The following USP35 variants were observed in gnomAD, a reference collection of about 807,000 sequenced individuals.
The protein encoded by USP35 is ubiquitin specific peptidase 35.
In USP35, 69 loss-of-function variants were observed where a neutral mutation model predicts 83.8. That is an observed-to-expected ratio of 0.82 (90% CI 0.68 to 1.01). The LOEUF is 1.01. USP35 is among the 50% of genes least tolerant of loss of function. The pLI is 0.00. For synonymous variants in USP35, 714 were observed against 589.5 expected (o/e 1.21, Z -3.06); for missense variants, 1,503 against 1,362.5 (o/e 1.10, Z -1.62).
the USP35 span, chr11:78,221,621 G>C: frequency 9.6e-7 from 1 of 1,038,590 alleles, no homozygotes; most frequent in Non-Finnish European, 1.5e-6. Context: ...GGGAACTGAG[G>C]GGTGGGTCCC....
intron 10 of USP35, among the ~76,000 whole-genome samples, chr11:78,213,410 A>T (rs1020592960): frequency 1.3e-5 from 2 of 152,140 alleles, no homozygotes; most frequent in African/African-American, 4.8e-5. Flanking sequence ...TCAGCTAGTC[A>T]GTCACACCCT....
In USP35 at chr11:78,196,398, C is replaced by T. The variant is rs1863145333; in HGVS notation, c.153C>T (p.Gly51=). The T allele has an allele frequency of 5.7e-6, 8 of 1,403,518 alleles. No homozygotes were observed. The highest frequency in any genetic ancestry group is 1.5e-5 in the African/African-American group (1 of 65,480). 86.9% of individuals were successfully genotyped at this position (1,403,518 alleles called of 1,614,324 possible). A position where few individuals can be genotyped will look rare whatever the true frequency, so the allele number is the denominator to read the frequency against. The change falls in exon 2 of 11, where the codon GGC becomes GGT. Residue 51 remains glycine, a synonymous_variant. Transcript: ENST00000529308. The surrounding 1 kb of genome is among the most constrained non-coding windows in gnomAD (Gnocchi z 4.8). ...CGCTGGGCGCGCGCCTCTACGTGGG[C>T]GGCGCGGAGGAGCTGCCGCGCCGCG... ...LLALGARLYV[G]GAEELPRRVG...
At chr11:78,190,674 G>T (rs2137019242) in intron 1 of USP35, among the ~76,000 whole-genome samples, 1 of 152,340 alleles carries the variant, frequency 6.6e-6, no homozygotes, top group Non-Finnish European at 1.5e-5. Context: ...ATAGCTAAGA[G>T]GGCCTTGGAG....
At chr11:78,211,974 G>C (rs543945836) in intron 10 of USP35, among the ~76,000 whole-genome samples, 2 of 152,086 alleles carry the variant, frequency 1.3e-5, no homozygotes, top group Admixed American at 6.6e-5. Flanking sequence ...GTTTGCTTTT[G>C]TTGCAATTGC....
At position 78,210,159 on chromosome 11, in the gene USP35, C is replaced by A; in HGVS notation, c.2304C>A (p.Phe768Leu). ...SRSVLDLVNY[F>L]LSPEKLTAEN... ...CCGTCCTGGACCTGGTTAACTACTT[C>A]CTGTCCCCCGAGAAGCTGACAGCAG... is the stretch of plus-strand genomic sequence containing the variant. Residue 768 changes from phenylalanine to leucine, a missense_variant, in exon 10 of 11, where the codon TTC becomes TTA. Phe to Leu is a conservative substitution (Grantham distance 22). Coordinates refer to ENST00000529308, the MANE Select transcript of USP35 (RefSeq NM_020798.4). 1 of 1,613,720 alleles carries A rather than the reference C, an allele frequency of 6.2e-7. No homozygotes were observed. Among genetic ancestry groups the A allele is most frequent in the African/African-American group, 1.3e-5 (1 of 75,046 alleles).
chr11:78,215,626 G>C (rs918131372), downstream of USP35: 1 of 152,270 alleles, frequency 6.6e-6, no homozygotes, highest in African/African-American at 2.4e-5. Flanking sequence ...AATAATTCTA[G>C]ATTTCAAGAC....
At chr11:78,220,485 C>G in the USP35 span, 4 of 1,523,660 alleles carry the variant, frequency 2.6e-6, no homozygotes, top group Admixed American at 4.1e-5. Context: ...CTGCAGAAAA[C>G]AGACTAACCC....
chr11:78,223,369 T>C, the USP35 span: 48 of 1,444,974 alleles, frequency 3.3e-5, no homozygotes, highest in Middle Eastern at 5.7e-4. Context: ...AAAGAGTCCC[T>C]AGCCACTGTC....
chr11:78,213,501 T>G (rs1330195199), intron 10 of USP35, 145 bp from the exon 11 acceptor site: 1 of 935,846 alleles, frequency 1.1e-6, no homozygotes, highest in Non-Finnish European at 1.4e-6. Flanking sequence ...CCACCCCGGA[T>G]ATCCTGCCAC....
chr11:78,211,840 C>T (rs545132117), intron 10 of USP35, among the ~76,000 whole-genome samples: 18 of 152,160 alleles, frequency 1.2e-4, no homozygotes, highest in South Asian at 6.2e-4. Context: ...CTCTGGATAT[C>T]GGACTTAGGT....
chr11:78,204,694 GAAA>G (rs1054499886), intron 6 of USP35, among the ~76,000 whole-genome samples: 3 of 152,142 alleles, frequency 2.0e-5, no homozygotes, highest in African/African-American at 7.2e-5. Context: ...ATCATGAACA[GAAA>G]AAAGAAGGGA....
chr11:78,221,856 G>C, the USP35 span: 9 of 982,024 alleles, frequency 9.2e-6, no homozygotes, highest in African/African-American at 3.2e-5. Flanking sequence ...GCTGGGCCCT[G>C]ACCCTCACAC....
chr11:78,234,227 C>T, the USP35 span, among the ~76,000 whole-genome samples: 1 of 152,144 alleles, frequency 6.6e-6, no homozygotes, highest in Non-Finnish European at 1.5e-5. Flanking sequence ...GGAATGCAAG[C>T]ACATGTGACC....
the USP35 span, among the ~76,000 whole-genome samples, chr11:78,230,883 T>C: frequency 2.0e-5 from 3 of 152,230 alleles, no homozygotes; most frequent in South Asian, 2.1e-4. Context: ...CCTTTAGTAT[T>C]TTCATGTAAA....
the USP35 span, chr11:78,223,302 A>G: frequency 1.2e-6 from 1 of 836,586 alleles, no homozygotes; most frequent in African/African-American, 1.7e-5. Flanking sequence ...ATTTTACATG[A>G]TTTGCCCCAA....
intron 6 of USP35, among the ~76,000 whole-genome samples, chr11:78,202,017 T>C (rs1863373778): frequency 6.6e-6 from 1 of 152,170 alleles, no homozygotes; most frequent in Non-Finnish European, 1.5e-5. Context: ...AACATCACTT[T>C]AAGTACATAG....
the USP35 span, chr11:78,226,362 C>G: frequency 5.5e-6 from 5 of 909,528 alleles, no homozygotes; most frequent in Non-Finnish European, 7.3e-6. Context: ...CTAGGTGGTT[C>G]GTAAGTTCCC....
chr11:78,222,866 C>T, the USP35 span, among the ~76,000 whole-genome samples: 1 of 152,218 alleles, frequency 6.6e-6, no homozygotes, highest in Non-Finnish European at 1.5e-5. Context: ...TACAGGCGTA[C>T]AGGCGTGAGC....
chr11:78,220,003 T>C (rs1441903315), downstream of USP35, among the ~76,000 whole-genome samples: 2 of 152,200 alleles, frequency 1.3e-5, no homozygotes, highest in Non-Finnish European at 2.9e-5. Flanking sequence ...TCCTCATTCC[T>C]GGATCTGTTG....
Sources: gnomAD v4.1 joint callset for allele counts (sites outside exome capture counted in the v4.1 genomes callset) on GRCh38, gnomAD v4.1.1 for gene constraint, Gnocchi (gnomAD v3.1) non-coding constraint, MANE v1.5 for transcripts, NCBI Gene and HGNC (gene_info 2026-07-23, HGNC 2026-07-21) for gene names.